CNOT1: variants seen among roughly 807,000 people sequenced by gnomAD.
CNOT1 encodes the protein CCR4-associated factor 1.
A neutral mutation model predicts 273.8 loss-of-function variants in CNOT1; 15 were observed. That is an observed-to-expected ratio of 0.05 (90% CI 0.04 to 0.08). CNOT1 has a LOEUF of 0.08. CNOT1 is among the 10% of genes least tolerant of loss of function. The pLI, the probability that CNOT1 is intolerant of heterozygous loss-of-function variation, is 1.00. For synonymous variants in CNOT1, 1,022 were observed against 1,005.5 expected (o/e 1.02, Z -0.31); for missense variants, 1,644 against 2,912.2 (o/e 0.56, Z 10.02).
At chr16:58,528,018 C>A in intron 44 of CNOT1, 1 of 367,880 alleles carries the variant, frequency 2.7e-6, no homozygotes, top group South Asian at 2.0e-5. Flanking sequence ...GAGGCTGAGG[C>A]GGGAGAATAG....
chr16:58,553,763 A>T lies in CNOT1; in HGVS notation c.2970+19T>A. The T allele has an allele frequency of 6.2e-7, 1 of 1,604,676 alleles. No individual in the cohort carries two copies. Among genetic ancestry groups the T allele is most frequent in the African/African-American group, 1.3e-5 (1 of 74,216 alleles). ...AATACTACATAGCTATTTGGGTTTTAGTTACAGAGGGCACTTACCTCCTGT... is the reference window on the plus strand; with the variant it reads ...AATACTACATAGCTATTTGGGTTTTTGTTACAGAGGGCACTTACCTCCTGT... On this transcript the variant is annotated intron_variant, in intron 22 of 48. Coordinates refer to ENST00000317147, the MANE Select transcript of CNOT1 (RefSeq NM_016284.5).
Position 58,582,916 on chromosome 16 carries a change from A to T in CNOT1, c.934-13T>A. On this transcript the variant is annotated splice_polypyrimidine_tract_variant and intron_variant, in intron 9 of 48. Coordinates refer to ENST00000317147, the MANE Select transcript of CNOT1 (RefSeq NM_016284.5). ...GAGCAGAAATACTCTGTAGAAGTAA[A>T]ACTTGAATTAAACAAACCCAACTAC... 1 of 1,613,450 alleles carries T rather than the reference A, an allele frequency of 6.2e-7. No homozygotes were observed. The highest frequency in any genetic ancestry group is 1.1e-5 in the South Asian group (1 of 91,044).
Position 58,541,508 on chromosome 16 carries a change from G to C in CNOT1, c.4793C>G (p.Pro1598Arg). ...LSQPTGFLAQPMKQAWATDDV... is the reference protein window; with the variant it reads ...LSQPTGFLAQRMKQAWATDDV... ...AATCTAAAACACATTTACCTTCATG[G>C]GCTGGGCTAAAAATCCCGTGGGCTG... is the stretch of plus-strand genomic sequence containing the variant. Residue 1598 changes from proline to arginine, a missense_variant, in exon 34 of 49, where the codon CCC becomes CGC. By Grantham distance (103) the Pro-to-Arg change is moderately radical. Around this residue, in one of 13 missense-constraint regions of CNOT1, gnomAD observed 170 missense variants for 273.1 expected, o/e 0.62. Coordinates refer to ENST00000317147, the MANE Select transcript of CNOT1 (RefSeq NM_016284.5). 1 of 1,613,496 alleles carries C rather than the reference G, an allele frequency of 6.2e-7. No individual in the cohort carries two copies. Among genetic ancestry groups the C allele is most frequent in the East Asian group, 2.2e-5 (1 of 44,874 alleles).
intron 1 of CNOT1, among the ~76,000 whole-genome samples, chr16:58,629,300 G>A (rs370300933): frequency 6.6e-6 from 1 of 152,198 alleles, no homozygotes; most frequent in African/African-American, 2.4e-5. Flanking sequence ...GGAAGCCGAT[G>A]CCCACTGCAA....
Position 58,547,557 on chromosome 16 carries a change from G to T in CNOT1, c.3639+9C>A. ...ATTCTCAATTTTTACACATTTAGAT[G>T]AAACTCACAGTGTGTAAGATGGGTT... On this transcript the variant is annotated intron_variant, in intron 26 of 48. Transcript: ENST00000317147. This position sits in a 1 kb window ranked among gnomAD's most constrained non-coding sequence, Gnocchi z 4.0. 6.2e-7 allele frequency: 1 copy of T among 1,601,998 alleles called. No individual in the cohort carries two copies. The highest frequency in any genetic ancestry group is 8.5e-7 in the Non-Finnish European group (1 of 1,173,874).
At chr16:58,581,125 C>T (rs935656742) in intron 11 of CNOT1, among the ~76,000 whole-genome samples, 3 of 151,016 alleles carry the variant, frequency 2.0e-5, no homozygotes, top group African/African-American at 7.3e-5. Flanking sequence ...CATCATTAAA[C>T]TATTGGGAAA....
intron 1 of CNOT1, among the ~76,000 whole-genome samples, chr16:58,603,412 T>A (rs1285019875): frequency 1.2e-4 from 1 of 8,042 alleles, no homozygotes; most frequent in Admixed American, 8.1e-4. Context: ...TTTAAAAGTG[T>A]GTGTGTGTGT....
intron 44 of CNOT1, among the ~76,000 whole-genome samples, chr16:58,527,487 A>T (rs1253921669): frequency 2.0e-5 from 3 of 152,152 alleles, no homozygotes; most frequent in Non-Finnish European, 4.4e-5. Flanking sequence ...AGATTGCGCC[A>T]CTGCACTCCA....
chr16:58,545,943 A>T (rs1023518735), intron 29 of CNOT1, among the ~76,000 whole-genome samples: 4 of 152,194 alleles, frequency 2.6e-5, no homozygotes, highest in Admixed American at 6.5e-5. Flanking sequence ...TGTAGATAAA[A>T]CAGTCCCATT....
chr16:58,582,962 C>T (rs1253693213), intron 9 of CNOT1, 59 bp from the exon 10 acceptor site: 21 of 1,610,760 alleles, frequency 1.3e-5, no homozygotes, highest in Admixed American at 8.4e-5. Flanking sequence ...CACTTCTGGT[C>T]GATAGAACAA....
intron 1 of CNOT1, among the ~76,000 whole-genome samples, chr16:58,624,945 C>T (rs1456750356): frequency 6.7e-6 from 1 of 150,112 alleles, no homozygotes; most frequent in East Asian, 1.9e-4. Context: ...GAAAAGTACA[C>T]TTAAAAAAAA....
intron 16 of CNOT1, among the ~76,000 whole-genome samples, chr16:58,571,393 T>G (rs370997849): frequency 5.3e-5 from 8 of 151,572 alleles, no homozygotes; most frequent in Non-Finnish European, 1.2e-4. Flanking sequence ...CCATCTGTAC[T>G]AAAAGTACAA....
chr16:58,573,379 C>T (rs1489657905), intron 16 of CNOT1, among the ~76,000 whole-genome samples: 2 of 151,130 alleles, frequency 1.3e-5, no homozygotes, highest in African/African-American at 4.9e-5. Flanking sequence ...CCCAGATTCA[C>T]GGATTAAAAA....
intron 1 of CNOT1, among the ~76,000 whole-genome samples, chr16:58,627,839 C>CT (rs947963093): frequency 3.3e-5 from 5 of 151,886 alleles, no homozygotes; most frequent in Non-Finnish European, 7.4e-5. Context: ...TCATTCTAGA[C>CT]TTTTTTTTGA....
At chr16:58,627,841 T>A (rs2043649325) in intron 1 of CNOT1, among the ~76,000 whole-genome samples, 1 of 152,120 alleles carries the variant, frequency 6.6e-6, no homozygotes, top group African/African-American at 2.4e-5. Context: ...ATTCTAGACT[T>A]TTTTTTGAGA....
rs1163349681 is a variant in CNOT1, at chr16:58,546,367, C to T, written c.3960G>A (p.Lys1320=). Residue 1320 remains lysine (K), a synonymous_variant, in exon 29 of 49, where the codon AAG becomes AAA. Transcript: ENST00000317147. Reference sequence around the variant, plus strand: ...GTTCTTCTGGCTGCTTGACATCTTTCTTTGGAGCAGAGAGTTGCTCATCTA... The same window carrying T: ...GTTCTTCTGGCTGCTTGACATCTTTTTTTGGAGCAGAGAGTTGCTCATCTA... The part of the protein sequence containing the change: ...KNLDEQLSAP[K]KDVKQPEELP... The T allele has an allele frequency of 6.2e-7, 1 of 1,613,934 alleles. No individual in the cohort carries two copies. Among genetic ancestry groups the T allele is most frequent in the East Asian group, 2.2e-5 (1 of 44,858 alleles).
chr16:58,592,450 C>T (rs2042095691), intron 2 of CNOT1, among the ~76,000 whole-genome samples: 1 of 152,018 alleles, frequency 6.6e-6, no homozygotes, highest in African/African-American at 2.4e-5. Context: ...TGGTGGAGCA[C>T]AGCTATAGTC....
chr16:58,604,799 A>G (rs1204219129), intron 1 of CNOT1, among the ~76,000 whole-genome samples: 29 of 139,574 alleles, frequency 2.1e-4, no homozygotes, highest in Non-Finnish European at 3.2e-4. Context: ...CTCCGTCTAA[A>G]AAAAAAAAAC....
chr16:58,539,034 T>A (rs1290423560), intron 35 of CNOT1, 120 bp from the exon 36 acceptor site: 5 of 1,421,660 alleles, frequency 3.5e-6, no homozygotes, highest in Non-Finnish European at 4.7e-6. Flanking sequence ...CCCTGTCCTT[T>A]CCACTCTCCA....
Sources: allele counts gnomAD v4.1 joint callset (sites outside exome capture counted in the v4.1 genomes callset), GRCh38; gene constraint gnomAD v4.1.1; regional missense constraint gnomAD v4.1.1; non-coding constraint Gnocchi (gnomAD v3.1); transcripts MANE v1.5; gene names NCBI Gene and HGNC (gene_info 2026-07-23, HGNC 2026-07-21).